The following GALNT17 variants were observed in gnomAD, a reference collection of about 807,000 sequenced individuals.
The protein encoded by GALNT17 is UDP-GalNAc:polypeptide N-acetylgalactosaminyltransferase-like 3.
In GALNT17, 29 loss-of-function variants were observed where a neutral mutation model predicts 63.7. That is an observed-to-expected ratio of 0.46 (90% CI 0.34 to 0.62). The LOEUF is 0.62. Ranked by LOEUF, GALNT17 falls within the 20% of genes least tolerant of loss-of-function variation. The probability of loss-of-function intolerance (pLI) is 0.01; values close to 1 mark genes in which losing one functional copy is unlikely to be tolerated. For missense variants in GALNT17, 603 were observed against 799.6 expected (o/e 0.75, Z 2.97); for synonymous variants, 305 against 318.3 (o/e 0.96, Z 0.45).
At chr7:71,540,029 A>G (rs1788862380) in intron 5 of GALNT17, among the ~76,000 whole-genome samples, 1 of 144,830 alleles carries the variant, frequency 6.9e-6, no homozygotes, top group Non-Finnish European at 1.5e-5. Flanking sequence ...CCTGGGCTCA[A>G]TCAGTCTTCC....
At chr7:71,526,294 C>G (rs1371055725) in intron 5 of GALNT17, among the ~76,000 whole-genome samples, 3 of 152,144 alleles carry the variant, frequency 2.0e-5, no homozygotes, top group Non-Finnish European at 4.4e-5. Context: ...TTCCTTTTCT[C>G]TGTCAAAAAC....
At chr7:71,300,409 C>G (rs1312200311) in intron 1 of GALNT17, 1 of 456,146 alleles carries the variant, frequency 2.2e-6, no homozygotes, top group Non-Finnish European at 4.4e-6. Context: ...TGTCTTCCCT[C>G]CTGTGTCCCT....
At chr7:71,311,377 GTCAA>G (rs1270873616) in intron 1 of GALNT17, among the ~76,000 whole-genome samples, 4 of 152,166 alleles carry the variant, frequency 2.6e-5, no homozygotes, top group Non-Finnish European at 5.9e-5. Context: ...TCAGTGGTGA[GTCAA>G]TCAATTGGGG....
chr7:71,589,274 G>C (rs1272366746), intron 6 of GALNT17, among the ~76,000 whole-genome samples: 1 of 152,146 alleles, frequency 6.6e-6, no homozygotes, highest in African/African-American at 2.4e-5. Context: ...ATGGGACAAA[G>C]GAGAACTTAA....
intron 6 of GALNT17, among the ~76,000 whole-genome samples, chr7:71,572,512 A>C (rs867739576): frequency 2.5e-4 from 30 of 121,154 alleles, no homozygotes; most frequent in Non-Finnish European, 2.7e-4. Context: ...ATTAAAAAAA[A>C]AAAAAAAAAA....
chr7:71,144,252 A>G (rs1787972242), intron 1 of GALNT17, among the ~76,000 whole-genome samples: 1 of 151,948 alleles, frequency 6.6e-6, no homozygotes, highest in Admixed American at 6.6e-5. Flanking sequence ...CAGCTCCTCG[A>G]GTATCCTTAC....
At chr7:71,205,074 T>A (rs1789245275) in intron 1 of GALNT17, among the ~76,000 whole-genome samples, 1 of 152,020 alleles carries the variant, frequency 6.6e-6, no homozygotes, top group Non-Finnish European at 1.5e-5. Context: ...TGTTTTATTA[T>A]CAGTGTACAG....
rs1789824453 is a variant in GALNT17, at chr7:71,592,566, A to AT, written c.1080+21164_1080+21165insT. The stretch of plus-strand genomic sequence containing the variant: ...TAAAATAGCATAGCATAGCATACTA[A>AT]AATAAAATAAAATAAAATAAAATAA... On this transcript the variant is annotated intron_variant, in intron 6 of 10. Transcript: ENST00000333538. 4.2e-3 allele frequency among the ~76,000 whole-genome samples: 317 copies of AT among 75,668 alleles called. 10 individuals are homozygous for AT. In the South Asian group the frequency reaches 0.058, roughly 14 times the overall value. The allele number at this position is 75,668 out of a possible 152,430, so 49.6% of individuals were successfully genotyped here.
At chr7:71,557,103 A>C in intron 5 of GALNT17, among the ~76,000 whole-genome samples, 1 of 143,616 alleles carries the variant, frequency 7.0e-6, no homozygotes. Context: ...ATGTTGCCTC[A>C]CTGGTCTCAA....
rs1052066731 is a variant in GALNT17, at chr7:71,481,552, G to A, written c.962+60447G>A. On this transcript the variant is annotated intron_variant, in intron 5 of 10. Transcript: ENST00000333538. ...AATTCTCTTCCTTGTGTGTTTTCCAGTAGAGTGGACTGCAAGAGGGATACC... is the reference window on the plus strand; with the variant it reads ...AATTCTCTTCCTTGTGTGTTTTCCAATAGAGTGGACTGCAAGAGGGATACC... 2.6e-5 allele frequency among the ~76,000 whole-genome samples: 4 copies of A among 152,204 alleles called. No individual in the cohort carries two copies. In the East Asian group the frequency reaches 7.7e-4, roughly 29 times the overall value.
intron 2 of GALNT17, among the ~76,000 whole-genome samples, chr7:71,372,000 T>C (rs945767924): frequency 6.6e-6 from 1 of 152,152 alleles, no homozygotes; most frequent in African/African-American, 2.4e-5. Context: ...ATGTTGTGTG[T>C]GACAGGGTCT....
intron 6 of GALNT17, among the ~76,000 whole-genome samples, chr7:71,574,315 G>A (rs1019738079): frequency 3.3e-5 from 5 of 152,130 alleles, no homozygotes; most frequent in African/African-American, 4.8e-5. Flanking sequence ...CTGCCCCCAG[G>A]CAATTTCTCC....
intron 2 of GALNT17, among the ~76,000 whole-genome samples, chr7:71,372,070 T>G (rs2116277588): frequency 6.6e-6 from 1 of 151,976 alleles, no homozygotes; most frequent in Non-Finnish European, 1.5e-5. Flanking sequence ...CATCTTGAAC[T>G]TGTAGGCTCA....
chr7:71,710,961 A>G, intron 10 of GALNT17, 33 bp downstream of exon 10: 3 of 1,606,260 alleles, frequency 1.9e-6, no homozygotes, highest in Non-Finnish European at 2.5e-6. Context: ...CAGCACCCAG[A>G]GTAGCTGCAA....
chr7:71,312,139 A>G (rs576689930), intron 1 of GALNT17, among the ~76,000 whole-genome samples: 2 of 152,350 alleles, frequency 1.3e-5, no homozygotes, highest in African/African-American at 2.4e-5. Context: ...AAAAGTGGTT[A>G]TAAGTATTAC....
intron 1 of GALNT17, among the ~76,000 whole-genome samples, chr7:71,293,350 A>C (rs1207610017): frequency 6.6e-6 from 1 of 152,102 alleles, no homozygotes; most frequent in African/African-American, 2.4e-5. Context: ...TTTACTCCAA[A>C]TCCTTACCAA....
chr7:71,685,808 C>T (rs1791344674), intron 9 of GALNT17: 1 of 152,006 alleles, frequency 6.6e-6, no homozygotes, highest in African/African-American at 2.4e-5. Flanking sequence ...GATCATATGT[C>T]CCTATCTGCC....
intron 1 of GALNT17, among the ~76,000 whole-genome samples, chr7:71,307,038 G>C (rs992641906): frequency 2.0e-5 from 3 of 151,984 alleles, no homozygotes; most frequent in African/African-American, 7.3e-5. Context: ...TGGGCAGGCT[G>C]GTCTTGAACT....
At chr7:71,363,979 T>C (rs895092009) in intron 2 of GALNT17, among the ~76,000 whole-genome samples, 6 of 152,206 alleles carry the variant, frequency 3.9e-5, no homozygotes, top group Non-Finnish European at 7.3e-5. Flanking sequence ...TAACTTAAAG[T>C]ATGCAAGGAG....
Sources: gnomAD v4.1 joint callset for allele counts (sites outside exome capture counted in the v4.1 genomes callset) on GRCh38, gnomAD v4.1.1 for gene constraint, MANE v1.5 for transcripts, NCBI Gene and HGNC (gene_info 2026-07-23, HGNC 2026-07-21) for gene names.